The following SUPT3H variants were observed in gnomAD, a reference collection of about 807,000 sequenced individuals.
SUPT3H encodes the protein transcription initiation protein SPT3 homolog.
A neutral mutation model predicts 44.3 loss-of-function variants in SUPT3H; 44 were observed. That is an observed-to-expected ratio of 0.99 (90% CI 0.78 to 1.28). The LOEUF is 1.28. Among genes scored for constraint, SUPT3H ranks in the 50% most tolerant of loss-of-function variants. SUPT3H has a pLI of 0.00. For missense variants in SUPT3H, 380 were observed against 387.1 expected, an observed-to-expected ratio of 0.98 and a Z score of 0.15; for synonymous variants, 124 against 125.6, an observed-to-expected ratio of 0.99 and a Z score of 0.09.
At chr6:45,039,650 G>A (rs1005576229) in intron 3 of SUPT3H, among the ~76,000 whole-genome samples, 6 of 151,798 alleles carry the variant, frequency 4.0e-5, no homozygotes, top group Admixed American at 1.3e-4. Flanking sequence ...CGTGGTGTTG[G>A]GCTCCTGTAT....
intron 2 of SUPT3H, among the ~76,000 whole-genome samples, chr6:45,135,081 C>T (rs575067710): frequency 6.6e-6 from 1 of 152,284 alleles, no homozygotes; most frequent in South Asian, 2.1e-4. Context: ...CTTGAGCCTG[C>T]TTGAGCCATG....
intron 6 of SUPT3H, among the ~76,000 whole-genome samples, chr6:44,980,920 T>G (rs1779006692): frequency 6.6e-6 from 1 of 152,226 alleles, no homozygotes; most frequent in African/African-American, 2.4e-5. Context: ...AGCGCACGTC[T>G]GAAGAAGTAG....
At chr6:45,273,080 T>C (rs771691390) in intron 2 of SUPT3H, among the ~76,000 whole-genome samples, 13 of 152,246 alleles carry the variant, frequency 8.5e-5, no homozygotes, top group Non-Finnish European at 1.8e-4. Context: ...TGTCTGCAGC[T>C]GATCTGGGTG....
chr6:45,173,717 A>G (rs1173039461), intron 2 of SUPT3H, among the ~76,000 whole-genome samples: 2 of 152,242 alleles, frequency 1.3e-5, no homozygotes, highest in Non-Finnish European at 2.9e-5. Flanking sequence ...GCATAGAGCC[A>G]GAAAAGGCCA....
intron 2 of SUPT3H, among the ~76,000 whole-genome samples, chr6:45,187,329 C>T (rs960448828): frequency 1.3e-5 from 2 of 151,544 alleles, no homozygotes; most frequent in African/African-American, 4.9e-5. Context: ...GCAGGAGAAT[C>T]GCTTGAACCC....
chr6:44,814,826 G>A (rs913328289), intron 11 of SUPT3H, among the ~76,000 whole-genome samples: 16 of 152,008 alleles, frequency 1.1e-4, no homozygotes, highest in Non-Finnish European at 2.1e-4. Context: ...ACAAGTGTGC[G>A]TCACCACGCC....
intron 2 of SUPT3H, among the ~76,000 whole-genome samples, chr6:45,202,274 C>T (rs930098383): frequency 6.6e-6 from 1 of 151,664 alleles, no homozygotes; most frequent in African/African-American, 2.4e-5. Context: ...AATGATGATA[C>T]CTTCCTTGGA....
chr6:45,017,207 G>A (rs1310213747), intron 4 of SUPT3H, among the ~76,000 whole-genome samples: 2 of 149,592 alleles, frequency 1.3e-5, no homozygotes, highest in Non-Finnish European at 3.0e-5. Flanking sequence ...TTTTTTTCTT[G>A]TAAATTTGTT....
intron 2 of SUPT3H, among the ~76,000 whole-genome samples, chr6:45,170,942 T>C (rs1004796393): frequency 2.6e-5 from 4 of 152,186 alleles, no homozygotes; most frequent in African/African-American, 9.7e-5. Context: ...CCTTGAGGAA[T>C]ATAGAAAGAA....
intron 2 of SUPT3H, among the ~76,000 whole-genome samples, chr6:45,223,047 AATATGAG>A (rs1766324871): frequency 6.6e-6 from 1 of 152,004 alleles, no homozygotes; most frequent in South Asian, 2.1e-4. Context: ...AGAGGTAGAG[AATATGAG>A]AGAAGAGTTG....
chr6:45,284,363 A>G (rs1315014436), intron 2 of SUPT3H, among the ~76,000 whole-genome samples: 3 of 152,164 alleles, frequency 2.0e-5, no homozygotes, highest in Admixed American at 2.0e-4. Flanking sequence ...ACTAATAAAG[A>G]AGAAGTGAGA....
chr6:45,078,466 T>C (rs1795313388), intron 3 of SUPT3H, among the ~76,000 whole-genome samples: 1 of 152,174 alleles, frequency 6.6e-6, no homozygotes, highest in African/African-American at 2.4e-5. Flanking sequence ...AGCATTGGGG[T>C]GTTCTTAGTT....
At chr6:44,840,616 G>A (rs1423024963) in intron 10 of SUPT3H, among the ~76,000 whole-genome samples, 1 of 152,196 alleles carries the variant, frequency 6.6e-6, no homozygotes, top group Non-Finnish European at 1.5e-5. Context: ...TTTGGCAAAG[G>A]TCTGTGAAAG....
intron 2 of SUPT3H, among the ~76,000 whole-genome samples, chr6:45,279,096 T>C (rs1777508655): frequency 1.3e-5 from 2 of 152,228 alleles, no homozygotes; most frequent in Non-Finnish European, 1.5e-5. Flanking sequence ...TCGATTAAGA[T>C]ACTTATGTTT....
intron 10 of SUPT3H, among the ~76,000 whole-genome samples, chr6:44,889,750 A>G (rs1199598001): frequency 6.6e-6 from 1 of 152,174 alleles, no homozygotes; most frequent in Non-Finnish European, 1.5e-5. Context: ...ACCAAAGACA[A>G]AATTGACAAA....
At chr6:45,266,541 A>C (rs1241702265) in intron 2 of SUPT3H, among the ~76,000 whole-genome samples, 1 of 151,918 alleles carries the variant, frequency 6.6e-6, no homozygotes, top group African/African-American at 2.4e-5. Flanking sequence ...AAAATAGTAT[A>C]TTTAAATTAA....
At chr6:45,337,159 T>A (rs1485223072) in intron 2 of SUPT3H, among the ~76,000 whole-genome samples, 1 of 151,780 alleles carries the variant, frequency 6.6e-6, no homozygotes, top group Admixed American at 6.6e-5. Flanking sequence ...ACTGCCCATA[T>A]GAACAGAACA....
At chr6:45,116,408 A>C (rs1377012264) in intron 2 of SUPT3H, among the ~76,000 whole-genome samples, 1 of 152,012 alleles carries the variant, frequency 6.6e-6, no homozygotes, top group Non-Finnish European at 1.5e-5. Flanking sequence ...ATCTGTATTA[A>C]TTTTTCTTTA....
intron 2 of SUPT3H, among the ~76,000 whole-genome samples, chr6:45,331,096 C>T (rs772431867): frequency 1.0e-4 from 15 of 144,462 alleles, no homozygotes; most frequent in South Asian, 6.7e-4. Flanking sequence ...ACCTCAAATA[C>T]AATGAGTGGT....
Sources: allele counts gnomAD v4.1 joint callset (sites outside exome capture counted in the v4.1 genomes callset), GRCh38; gene constraint gnomAD v4.1.1; transcripts MANE v1.5; gene names NCBI Gene and HGNC (gene_info 2026-07-23, HGNC 2026-07-21).